Variants in VIL1 observed in about 807,000 individuals in gnomAD.
The protein encoded by VIL1 is villin 1.
In VIL1, 86 loss-of-function variants were observed where a neutral mutation model predicts 104.0. That is an observed-to-expected ratio of 0.83 (90% CI 0.69 to 0.99). VIL1 has a LOEUF of 0.99. Ranked by LOEUF, VIL1 falls within the 50% of genes least tolerant of loss-of-function variation. VIL1 has a pLI of 0.00. For missense variants in VIL1, 944 were observed against 1,054.1 expected, an observed-to-expected ratio of 0.90 and a Z score of 1.45; for synonymous variants, 394 against 412.6, an observed-to-expected ratio of 0.95 and a Z score of 0.55.
At chr2:218,435,154 T>C (rs780968438) in intron 14 of VIL1, 135 bp from the exon 15 acceptor site, 42 of 1,168,236 alleles carry the variant, frequency 3.6e-5, no homozygotes, top group Non-Finnish European at 5.0e-5. Flanking sequence ...CATGGAATTG[T>C]CCCTGTGTGG....
rs368273701 is a variant in VIL1, at chr2:218,429,944, G to A, written c.945G>A (p.Ala315=). ...EQEKKGAMSH[A]LNFIKAKQYP... ...AGAAGAAGGGAGCCATGAGCCATGC[G>A]CTGGTAGTGGTGGGGGCGGGGGAGG... Residue 315 remains alanine (A), a synonymous_variant, in exon 9 of 20, where the codon GCG becomes GCA. Coordinates refer to ENST00000248444, the MANE Select transcript of VIL1 (RefSeq NM_007127.3). 3.7e-6 allele frequency: 6 copies of A among 1,610,824 alleles called. No homozygotes were observed. Among genetic ancestry groups the A allele is most frequent in the East Asian group, 2.2e-5 (1 of 44,840 alleles).
At chr2:218,429,783 T>G (rs983126425) in intron 8 of VIL1, 66 bp from the exon 9 acceptor site, 1 of 1,588,000 alleles carries the variant, frequency 6.3e-7, no homozygotes, top group Non-Finnish European at 8.6e-7. Context: ...GAGACTTTTT[T>G]GTGTGTGAGG....
At chr2:218,439,708 T>C (rs2106395917) in intron 18 of VIL1, among the ~76,000 whole-genome samples, 1 of 150,694 alleles carries the variant, frequency 6.6e-6, no homozygotes, top group East Asian at 2.0e-4. Context: ...TCCCAGCTAC[T>C]CAGGAGGCTG....
intron 4 of VIL1, among the ~76,000 whole-genome samples, chr2:218,426,103 C>T (rs544385215): frequency 4.7e-4 from 72 of 152,150 alleles, no homozygotes; most frequent in Non-Finnish European, 7.9e-4. Flanking sequence ...CTATAACTCT[C>T]GTGAATCTCT....
Position 218,432,065 on chromosome 2 carries a change from T to TAG in VIL1, c.1226_1227dup (p.Leu410SerfsTer10). On this transcript the variant is annotated frameshift_variant, in exon 12 of 20. Coordinates refer to ENST00000248444, the MANE Select transcript of VIL1 (RefSeq NM_007127.3). LOFTEE classifies it high-confidence loss of function. ...CCCTAGGTGTGGCGCATTGAGAACC[T>TAG]AGAGCTGGTACCTGTGGATTCCAAG... The TAG allele has an allele frequency of 6.2e-7, 1 of 1,614,090 alleles. No individual in the cohort carries two copies.
At chr2:218,433,654 C>G (rs1179017069) in intron 13 of VIL1, among the ~76,000 whole-genome samples, 2 of 152,200 alleles carry the variant, frequency 1.3e-5, no homozygotes, top group African/African-American at 4.8e-5. Flanking sequence ...CGCCTGTAAT[C>G]CCAGCACTTT....
chr2:218,434,415 G>A, intron 13 of VIL1, 111 bp from the exon 14 acceptor site: 2 of 1,084,936 alleles, frequency 1.8e-6, no homozygotes, highest in Non-Finnish European at 2.7e-6. Context: ...GAGCATCAGA[G>A]GAGCTCAGGG....
Position 218,436,499 on chromosome 2 carries a change from TG to T in VIL1, c.1846del (p.Val616SerfsTer37). The T allele has an allele frequency of 6.2e-7, 1 of 1,613,934 alleles. No individual in the cohort carries two copies. The highest frequency in any genetic ancestry group is 8.5e-7 in the Non-Finnish European group (1 of 1,179,962). ...ANTKRLQEEN[L>X]VITPRLFECS... is the part of the protein sequence containing the mutation. ...TCCTGCAGACTACAGGAAGAAAACC[TG>T]GTCATCACCCCCCGGCTCTTTGAGT... On this transcript the variant is annotated frameshift_variant, in exon 16 of 20. Transcript: ENST00000248444. LOFTEE classifies it high-confidence loss of function.
chr2:218,431,789 A>G, intron 10 of VIL1, 68 bp from the exon 11 acceptor site: 1 of 1,308,160 alleles, frequency 7.6e-7, no homozygotes, highest in Admixed American at 1.9e-5. Context: ...GCCACCATTC[A>G]GGGCTGTTGT....
chr2:218,422,779 T>C (rs1380218794), intron 1 of VIL1, among the ~76,000 whole-genome samples: 1 of 152,330 alleles, frequency 6.6e-6, no homozygotes, highest in East Asian at 1.9e-4. Flanking sequence ...GGAGCATTCA[T>C]GGAGGGCAGC....
At chr2:218,419,897 G>A (rs1305831899) in intron 1 of VIL1, among the ~76,000 whole-genome samples, 4 of 152,180 alleles carry the variant, frequency 2.6e-5, no homozygotes, top group Admixed American at 6.5e-5. Flanking sequence ...CTGTCTTCTC[G>A]GGACATCATC....
intron 16 of VIL1, 146 bp downstream of exon 16, chr2:218,436,772 TAAGA>T: frequency 6.4e-6 from 7 of 1,095,488 alleles, no homozygotes; most frequent in Non-Finnish European, 6.5e-6. Context: ...ACCAGAAGTG[TAAGA>T]AAGAAGGAAG....
chr2:218,436,634 C>T lies in VIL1; in HGVS notation c.1971+8C>T. 1 of 1,612,818 alleles carries T rather than the reference C, an allele frequency of 6.2e-7. No individual in the cohort carries two copies. Among genetic ancestry groups the T allele is most frequent in the Non-Finnish European group, 8.5e-7 (1 of 1,179,390 alleles). Reference sequence around the variant, plus strand: ...CTAGATGTCTGGGACCAGGTAGGACCAAGGGCCTGGGGACCCCTCTTCCCA... The same window carrying T: ...CTAGATGTCTGGGACCAGGTAGGACTAAGGGCCTGGGGACCCCTCTTCCCA... On this transcript the variant is annotated splice_region_variant and intron_variant, in intron 16 of 19. Transcript: ENST00000248444.
chr2:218,447,046 G>A (rs1689375581), intron 19 of VIL1, among the ~76,000 whole-genome samples: 3 of 152,322 alleles, frequency 2.0e-5, no homozygotes, highest in South Asian at 4.1e-4. Context: ...TTACAGGTGT[G>A]AGCCAACGCG....
At chr2:218,431,448 C>A (rs976731296) in intron 10 of VIL1, among the ~76,000 whole-genome samples, 4 of 151,646 alleles carry the variant, frequency 2.6e-5, no homozygotes, top group Non-Finnish European at 5.9e-5. Flanking sequence ...GCTTCAGTCT[C>A]TTACCAGCCA....
intron 19 of VIL1, among the ~76,000 whole-genome samples, chr2:218,446,056 C>T (rs1012971989): frequency 2.6e-4 from 39 of 152,208 alleles, no homozygotes; most frequent in African/African-American, 7.7e-4. Context: ...AAAAGCTAGG[C>T]AAAATTTAGT....
At chr2:218,425,492 A>T in intron 3 of VIL1, 123 bp from the exon 4 acceptor site, 2 of 775,930 alleles carry the variant, frequency 2.6e-6, no homozygotes, top group South Asian at 1.7e-5. Context: ...CCGCCAGCCT[A>T]GTGCACTTGC....
chr2:218,432,388 A>G, intron 12 of VIL1: 1 of 833,528 alleles, frequency 1.2e-6, no homozygotes, highest in Non-Finnish European at 2.0e-6. Flanking sequence ...TCTCCCTTCC[A>G]ATTTTCATTG....
At chr2:218,433,195 G>C (rs10932781) in intron 13 of VIL1, among the ~76,000 whole-genome samples, 6 of 151,942 alleles carry the variant, frequency 3.9e-5, no homozygotes, top group East Asian at 1.9e-4. Flanking sequence ...CAGCACTTTG[G>C]GGGGCTGAGG....
Sources: allele counts gnomAD v4.1 joint callset (sites outside exome capture counted in the v4.1 genomes callset), GRCh38; gene constraint gnomAD v4.1.1; transcripts MANE v1.5; gene names NCBI Gene and HGNC (gene_info 2026-07-23, HGNC 2026-07-21).